The following ABCG1 variants were observed in gnomAD, a reference collection of about 807,000 sequenced individuals.
ABCG1 encodes the protein ATP binding cassette subfamily G member 1.
Under a neutral mutation model 69.2 loss-of-function variants are expected in ABCG1, and 29 were observed. The observed-to-expected ratio is 0.42, with a 90% CI of 0.31 to 0.57. The LOEUF (loss-of-function observed/expected upper bound fraction) is 0.57, where lower values mean the gene tolerates loss of function less well. ABCG1 is among the 20% of genes least tolerant of loss of function. The probability of loss-of-function intolerance (pLI) is 0.15; values close to 1 mark genes in which losing one functional copy is unlikely to be tolerated. For synonymous variants in ABCG1, 370 were observed against 374.8 expected, an observed-to-expected ratio of 0.99 and a Z score of 0.15; for missense variants, 718 against 898.1, an observed-to-expected ratio of 0.80 and a Z score of 2.56.
At chr21:42,225,614 G>A in intron 1 of ABCG1, 57 bp from the exon 2 acceptor site, 1 of 1,589,774 alleles carries the variant, frequency 6.3e-7, no homozygotes, top group Non-Finnish European at 8.6e-7. Flanking sequence ...ATCTCTTCAT[G>A]TTCTTTTTCT....
chr21:42,293,484 ACACACTACACACACAT>A lies in ABCG1; in HGVS notation c.1654-1045_1654-1030del, dbSNP rs1375140189. ...CACACTACACAGTACACACCACACC[ACACACTACACACACAT>A]CACACTACACACTACCCACCACACA... On this transcript the variant is annotated intron_variant, in intron 13 of 14. Coordinates refer to ENST00000398449, the MANE Select transcript of ABCG1 (RefSeq NM_016818.3). 2.8e-5 allele frequency among the ~76,000 whole-genome samples: 4 copies of A among 144,334 alleles called. No individual in the cohort carries two copies. The South Asian group carries it at 6.8e-4, about 24-fold the overall frequency. 94.7% of individuals were successfully genotyped at this position (144,334 alleles called of 152,430 possible).
At chr21:42,259,188 A>C in intron 2 of ABCG1, 1 of 1,413,744 alleles carries the variant, frequency 7.1e-7, no homozygotes, top group South Asian at 1.5e-5. Flanking sequence ...GAGAGACGAC[A>C]TTGCGTTCCC....
intron 2 of ABCG1, among the ~76,000 whole-genome samples, chr21:42,266,413 T>C (rs1057126903): frequency 2.0e-5 from 3 of 152,184 alleles, no homozygotes; most frequent in African/African-American, 7.2e-5. Flanking sequence ...ACTGCTCCTT[T>C]TATAGTGAGT....
At chr21:42,234,307 C>T (rs2067944827) in intron 2 of ABCG1, among the ~76,000 whole-genome samples, 1 of 152,190 alleles carries the variant, frequency 6.6e-6, no homozygotes, top group Admixed American at 6.5e-5. Flanking sequence ...TGCAATCGCT[C>T]AGACCCAGAT....
upstream of ABCG1, among the ~76,000 whole-genome samples, chr21:42,212,183 T>C (rs2067595753): frequency 6.6e-6 from 1 of 152,052 alleles, no homozygotes; most frequent in African/African-American, 2.4e-5. Context: ...AGGTATTTTG[T>C]TATAGGAGTC....
chr21:42,215,891 G>A (rs948204397), upstream of ABCG1, among the ~76,000 whole-genome samples: 1 of 152,198 alleles, frequency 6.6e-6, no homozygotes, highest in Non-Finnish European at 1.5e-5. Flanking sequence ...CTTAATAATG[G>A]AGTGGGTTGC....
In ABCG1 at chr21:42,283,665, A is replaced by G. The variant is rs569948158; in HGVS notation, c.735-895A>G. ...CAGTTGTGAAGTCCCCCCCCACCCA[A>G]ATGAGTGGGGAACCCCCACCTCTTT... On this transcript the variant is annotated intron_variant, in intron 6 of 14. Coordinates refer to ENST00000398449, the MANE Select transcript of ABCG1 (RefSeq NM_016818.3). Among the ~76,000 whole-genome samples the G allele has an allele frequency of 4.1e-3, 540 of 132,966 alleles. 2 individuals are homozygous for G. Among genetic ancestry groups the G allele is most frequent in the African/African-American group, 9.0e-3 (335 of 37,400 alleles). The allele number at this position is 132,966 out of a possible 152,430, so 87.2% of individuals were successfully genotyped here.
intron 13 of ABCG1, among the ~76,000 whole-genome samples, chr21:42,293,087 C>CACCACACACAG (rs1168349723): frequency 1.2e-5 from 1 of 86,140 alleles, no homozygotes; most frequent in Non-Finnish European, 2.3e-5. Context: ...ACCACACACA[C>CACCACACACAG]TACACACCAC....
At chr21:42,211,762 G>C (rs540340217), upstream of ABCG1, among the ~76,000 whole-genome samples, 9 of 151,950 alleles carry the variant, frequency 5.9e-5, no homozygotes, top group Non-Finnish European at 1.2e-4. Context: ...GGTGGCATGC[G>C]CTGGTAATTC....
At chr21:42,211,764 T>C (rs28476477), upstream of ABCG1, among the ~76,000 whole-genome samples, 41,854 of 150,942 alleles carry the variant, frequency 0.28, 6,152 homozygotes, top group East Asian at 0.46. Context: ...TGGCATGCGC[T>C]GGTAATTCCA....
chr21:42,247,937 G>C (rs984311629), intron 2 of ABCG1, among the ~76,000 whole-genome samples: 7 of 152,166 alleles, frequency 4.6e-5, no homozygotes, highest in African/African-American at 1.7e-4. Flanking sequence ...TGGAGCCTCC[G>C]GAGGGAGTGT....
chr21:42,233,540 A>G (rs938096092), intron 2 of ABCG1, among the ~76,000 whole-genome samples: 1 of 152,222 alleles, frequency 6.6e-6, no homozygotes, highest in Admixed American at 6.5e-5. Flanking sequence ...TCATTTGTGG[A>G]TCCAGGTTCT....
rs1423434318 is a variant in ABCG1 at position 42,257,726 on chromosome 21, G to A, written c.287-13344G>A. ...AAAGAAGAATGTCATACTTGCATAT[G>A]TGCTTACACTGGCCACTGAACTGCA... On this transcript the variant is annotated intron_variant, in intron 2 of 14. Coordinates refer to ENST00000398449, the MANE Select transcript of ABCG1 (RefSeq NM_016818.3). 3.9e-5 allele frequency among the ~76,000 whole-genome samples: 6 copies of A among 152,208 alleles called. No individual in the cohort carries two copies. The South Asian group carries it at 8.3e-4, about 21-fold the overall frequency.
At chr21:42,209,183 G>C (rs753835068) in intron 2 of ABCG1, among the ~76,000 whole-genome samples, 13 of 152,196 alleles carry the variant, frequency 8.5e-5, no homozygotes, top group Non-Finnish European at 1.8e-4. Flanking sequence ...ACCTGGGCTT[G>C]GCATGGAGGA....
At chr21:42,201,837 G>T (rs1312563837) in intron 2 of ABCG1, 1 of 1,575,034 alleles carries the variant, frequency 6.3e-7, no homozygotes. Context: ...CTTGGTGTGG[G>T]CTGTGGGAGC....
intron 1 of ABCG1, among the ~76,000 whole-genome samples, chr21:42,200,406 A>T (rs1433178102): frequency 6.6e-6 from 1 of 152,204 alleles, no homozygotes; most frequent in Non-Finnish European, 1.5e-5. Context: ...AGTGTTGGGC[A>T]TGAATACAGT....
chr21:42,257,250 C>T (rs2068321420), intron 2 of ABCG1, among the ~76,000 whole-genome samples: 1 of 152,210 alleles, frequency 6.6e-6, no homozygotes, highest in Non-Finnish European at 1.5e-5. Context: ...CCAATTCCTT[C>T]AGAAGCGTTT....
chr21:42,229,360 G>A (rs1183554988), intron 2 of ABCG1, among the ~76,000 whole-genome samples: 3 of 152,216 alleles, frequency 2.0e-5, no homozygotes, highest in African/African-American at 7.2e-5. Flanking sequence ...TGATCACGCG[G>A]AGGCTGGATG....
chr21:42,211,466 C>G (rs1425053213), upstream of ABCG1, among the ~76,000 whole-genome samples: 1 of 152,070 alleles, frequency 6.6e-6, no homozygotes, highest in African/African-American at 2.4e-5. Flanking sequence ...TCCTTCCTTC[C>G]TCTCTCTGTC....
Sources: allele counts gnomAD v4.1 joint callset (sites outside exome capture counted in the v4.1 genomes callset), GRCh38; gene constraint gnomAD v4.1.1; transcripts MANE v1.5; gene names NCBI Gene and HGNC (gene_info 2026-07-23, HGNC 2026-07-21).